NSD3: variants seen among roughly 807,000 people sequenced by gnomAD.
The protein encoded by NSD3 is nuclear receptor binding SET domain protein 3.
NSD3 carries 24 observed loss-of-function variants against 160.8 expected under a neutral mutation model. That is an observed-to-expected ratio of 0.15 (90% CI 0.11 to 0.21). The LOEUF is 0.21. NSD3 is among the 10% of genes least tolerant of loss of function. The pLI is 1.00. For missense variants in NSD3, 1,157 were observed against 1,735.9 expected, an observed-to-expected ratio of 0.67 and a Z score of 5.93; for synonymous variants, 520 against 600.0, an observed-to-expected ratio of 0.87 and a Z score of 1.95.
chr8:38,327,088 C>A (rs1809932939), intron 6 of NSD3, among the ~76,000 whole-genome samples: 1 of 150,814 alleles, frequency 6.6e-6, no homozygotes, highest in Non-Finnish European at 1.5e-5. Flanking sequence ...CTCCCTCTGT[C>A]GCCCAGGCTG....
chr8:38,310,691 T>G (rs1809514017), intron 12 of NSD3, among the ~76,000 whole-genome samples: 1 of 151,564 alleles, frequency 6.6e-6, no homozygotes, highest in Non-Finnish European at 1.5e-5. Context: ...TTTTTTTTTT[T>G]GGTAGAAATG....
intron 1 of NSD3, among the ~76,000 whole-genome samples, chr8:38,378,200 GAACA>G (rs779269776): frequency 5.3e-5 from 8 of 151,460 alleles, no homozygotes; most frequent in East Asian, 3.9e-4. Context: ...ACAAACAAAC[GAACA>G]AACAAACAAA....
At chr8:38,302,639 TAG>T in intron 14 of NSD3, among the ~76,000 whole-genome samples, 1 of 152,250 alleles carries the variant, frequency 6.6e-6, no homozygotes, top group Admixed American at 6.5e-5. Flanking sequence ...ACAAAGTGGC[TAG>T]AGTTTCTATA....
intron 20 of NSD3, 53 bp from the exon 21 acceptor site, chr8:38,279,734 A>G (rs1455812284): frequency 6.4e-7 from 1 of 1,572,196 alleles, no homozygotes; most frequent in Non-Finnish European, 8.7e-7. Context: ...TCTCCCAGAA[A>G]CATCCAACTC....
chr8:38,307,292 C>A (rs555428683), intron 12 of NSD3, among the ~76,000 whole-genome samples: 1 of 151,976 alleles, frequency 6.6e-6, no homozygotes, highest in South Asian at 2.1e-4. Context: ...TCAAGTGATT[C>A]TCGTGCCCCA....
intron 13 of NSD3, 111 bp downstream of exon 13, chr8:38,305,137 A>T: frequency 9.3e-7 from 1 of 1,072,304 alleles, no homozygotes; most frequent in Non-Finnish European, 1.3e-6. Flanking sequence ...TGTTAAAGCT[A>T]GAGATACACA....
intron 5 of NSD3, among the ~76,000 whole-genome samples, chr8:38,331,041 G>A (rs1462511017): frequency 6.6e-6 from 1 of 152,080 alleles, no homozygotes; most frequent in African/African-American, 2.4e-5. Flanking sequence ...ATTTTTAAAA[G>A]TTTACTTTCA....
intron 2 of NSD3, among the ~76,000 whole-genome samples, chr8:38,341,221 G>A (rs1810358171): frequency 6.6e-6 from 1 of 151,994 alleles, no homozygotes; most frequent in African/African-American, 2.4e-5. Flanking sequence ...AGATATGAAG[G>A]TCAGGAAAAG....
intron 1 of NSD3, among the ~76,000 whole-genome samples, chr8:38,369,435 CAA>C (rs1260810947): frequency 1.3e-5 from 2 of 152,176 alleles, no homozygotes; most frequent in Admixed American, 6.5e-5. Context: ...ATAACCTAGG[CAA>C]AGATTCTCTT....
At chr8:38,287,001 T>A (rs1808876103) in intron 19 of NSD3, among the ~76,000 whole-genome samples, 3 of 152,178 alleles carry the variant, frequency 2.0e-5, no homozygotes, top group Admixed American at 1.3e-4. Context: ...TTACTATCTG[T>A]CTCCTCAAGC....
In NSD3 at chr8:38,288,793, G is replaced by A. The variant is rs1172010438; in HGVS notation, c.3232-37C>T. On this transcript the variant is annotated intron_variant, in intron 18 of 23. Coordinates refer to ENST00000317025, the MANE Select transcript of NSD3 (RefSeq NM_023034.2). This position sits in a 1 kb window ranked among gnomAD's most constrained non-coding sequence, Gnocchi z 4.5. ...AATCGCAAGCGAGAGAGAGGCAGCAGGTAAGTCATCTGGCAATGTGAACAG... is the reference window on the plus strand; with the variant it reads ...AATCGCAAGCGAGAGAGAGGCAGCAAGTAAGTCATCTGGCAATGTGAACAG... The A allele has an allele frequency of 6.2e-7, 1 of 1,600,852 alleles. No homozygotes were observed. Among genetic ancestry groups the A allele is most frequent in the South Asian group, 1.1e-5 (1 of 89,316 alleles).
intron 16 of NSD3, among the ~76,000 whole-genome samples, chr8:38,294,238 A>G (rs1809078611): frequency 1.3e-5 from 2 of 152,034 alleles, no homozygotes; most frequent in African/African-American, 2.4e-5. Context: ...GCTACCACAC[A>G]TGGCACGCCA....
chr8:38,328,083 C>G (rs1032588763), intron 6 of NSD3, among the ~76,000 whole-genome samples: 1 of 152,010 alleles, frequency 6.6e-6, no homozygotes, highest in Non-Finnish European at 1.5e-5. Flanking sequence ...TGACTGTAAT[C>G]TCAGTGCTTT....
At chr8:38,333,130 AC>A (rs1810107613) in intron 4 of NSD3, among the ~76,000 whole-genome samples, 1 of 152,238 alleles carries the variant, frequency 6.6e-6, no homozygotes, top group Non-Finnish European at 1.5e-5. Flanking sequence ...GATTAAAAAA[AC>A]ATAGTACATA....
intron 10 of NSD3, 89 bp from the exon 11 acceptor site, chr8:38,315,633 C>T: frequency 1.3e-6 from 2 of 1,538,204 alleles, no homozygotes; most frequent in Non-Finnish European, 1.8e-6. Flanking sequence ...AAGACTTGCT[C>T]AAACATTAGA....
At chr8:38,366,212 T>C (rs1811102421) in intron 1 of NSD3, among the ~76,000 whole-genome samples, 1 of 152,062 alleles carries the variant, frequency 6.6e-6, no homozygotes, top group Non-Finnish European at 1.5e-5. Flanking sequence ...ATTGCACTGA[T>C]TAAAAGACTT....
intron 2 of NSD3, among the ~76,000 whole-genome samples, chr8:38,342,511 T>G (rs762202423): frequency 3.3e-5 from 5 of 152,152 alleles, no homozygotes; most frequent in Non-Finnish European, 7.3e-5. Context: ...CTAAAAATTA[T>G]GTTAAGAGTA....
intron 4 of NSD3, among the ~76,000 whole-genome samples, chr8:38,332,824 AT>A (rs1480758965): frequency 6.6e-6 from 1 of 152,192 alleles, no homozygotes; most frequent in African/African-American, 2.4e-5. Context: ...AAAAAAACTG[AT>A]CTTTTGCGAA....
chr8:38,279,306 C>T (rs1414067546), intron 21 of NSD3, among the ~76,000 whole-genome samples: 1 of 152,260 alleles, frequency 6.6e-6, no homozygotes, highest in Non-Finnish European at 1.5e-5. Context: ...CCCGCTCTTA[C>T]ATAAAAGTTC....
Sources: allele counts gnomAD v4.1 joint callset (sites outside exome capture counted in the v4.1 genomes callset), GRCh38; gene constraint gnomAD v4.1.1; non-coding constraint Gnocchi (gnomAD v3.1); transcripts MANE v1.5; gene names NCBI Gene and HGNC (gene_info 2026-07-23, HGNC 2026-07-21).